Variants in NCOA1 observed in about 807,000 individuals in gnomAD.
NCOA1 encodes nuclear receptor coactivator 1.
In NCOA1, 35 loss-of-function variants were observed where a neutral mutation model predicts 150.9. That is an observed-to-expected ratio of 0.23 (90% CI 0.18 to 0.31). The LOEUF (loss-of-function observed/expected upper bound fraction) is 0.31, where lower values mean the gene tolerates loss of function less well. Among genes scored for constraint, NCOA1 ranks in the 10% least tolerant of loss-of-function variants. NCOA1 has a pLI of 1.00. For missense variants in NCOA1, 1,491 were observed against 1,749.3 expected, an observed-to-expected ratio of 0.85 and a Z score of 2.63; for synonymous variants, 590 against 630.0, an observed-to-expected ratio of 0.94 and a Z score of 0.95.
At chr2:24,750,437 CTT>C (rs1170038533) in intron 19 of NCOA1, among the ~76,000 whole-genome samples, 1 of 152,114 alleles carries the variant, frequency 6.6e-6, no homozygotes. Flanking sequence ...TAAACCCTTA[CTT>C]TTATGGTCAG....
intron 19 of NCOA1, among the ~76,000 whole-genome samples, chr2:24,743,147 G>A (rs986752807): frequency 6.6e-6 from 1 of 152,072 alleles, no homozygotes; most frequent in African/African-American, 2.4e-5. Flanking sequence ...AAAATTAATT[G>A]TCAATTCCTG....
chr2:24,707,914 T>TG, intron 13 of NCOA1, 26 bp downstream of exon 13: 1 of 1,556,246 alleles, frequency 6.4e-7, no homozygotes, highest in South Asian at 1.2e-5. Context: ...CTTCACAGAA[T>TG]GGTCATTCTT....
At chr2:24,552,353 A>ATTTTTT (rs869212842) in intron 1 of NCOA1, among the ~76,000 whole-genome samples, 1 of 38,350 alleles carries the variant, frequency 2.6e-5, no homozygotes, top group Non-Finnish European at 4.3e-5. Flanking sequence ...ATATATATAT[A>ATTTTTT]TTTTTTTTTT....
intron 2 of NCOA1, among the ~76,000 whole-genome samples, chr2:24,582,228 A>C (rs1216311738): frequency 6.6e-6 from 1 of 152,184 alleles, no homozygotes; most frequent in African/African-American, 2.4e-5. Flanking sequence ...CACTTTTTTT[A>C]ATCAGTTTTA....
intron 8 of NCOA1, among the ~76,000 whole-genome samples, chr2:24,685,723 T>G (rs1253096720): frequency 6.6e-6 from 1 of 152,210 alleles, no homozygotes; most frequent in Non-Finnish European, 1.5e-5. Context: ...TTAGCATATT[T>G]CCTGGCTGGT....
chr2:24,579,226 T>G (rs897977009), intron 2 of NCOA1, among the ~76,000 whole-genome samples: 2 of 152,150 alleles, frequency 1.3e-5, no homozygotes, highest in African/African-American at 2.4e-5. Context: ...GAATATGGAT[T>G]CTCTTGGGAG....
intron 4 of NCOA1, among the ~76,000 whole-genome samples, chr2:24,648,170 A>G (rs1670559272): frequency 6.6e-6 from 1 of 152,114 alleles, no homozygotes; most frequent in African/African-American, 2.4e-5. Flanking sequence ...TCAATAAAAT[A>G]TTGCCGAATA....
chr2:24,543,067 T>C (rs1424392369), intron 1 of NCOA1, among the ~76,000 whole-genome samples: 1 of 152,208 alleles, frequency 6.6e-6, no homozygotes, highest in Non-Finnish European at 1.5e-5. Flanking sequence ...AGAATATACC[T>C]GAGACTGGTA....
chr2:24,666,005 TATTTTA>T, intron 6 of NCOA1, 90 bp downstream of exon 6: 1 of 766,588 alleles, frequency 1.3e-6, no homozygotes, highest in Non-Finnish European at 1.7e-6. Flanking sequence ...TTATTATTAT[TATTTTA>T]TTATTATTAT....
chr2:24,537,465 A>G (rs571669084), intron 1 of NCOA1, among the ~76,000 whole-genome samples: 83 of 151,652 alleles, frequency 5.5e-4, no homozygotes, highest in African/African-American at 1.9e-3. Context: ...GTGTGTGTAT[A>G]TATATATAAT....
intron 1 of NCOA1, among the ~76,000 whole-genome samples, chr2:24,511,098 A>C (rs1047897331): frequency 6.6e-6 from 1 of 152,192 alleles, no homozygotes; most frequent in African/African-American, 2.4e-5. Context: ...AAATCATACA[A>C]TATTTCACCT....
At position 24,758,274 on chromosome 2, in the gene NCOA1, A is replaced by G. The variant is rs1664600826; in HGVS notation, c.4065+118A>G. On this transcript the variant is annotated intron_variant, in intron 21 of 22. Transcript: ENST00000348332. ...CCACACTTCTTTATTCTTTCCCACT[A>G]ACTTTTAATAATTACTGGCTCTTAA... The G allele has an allele frequency of 3.1e-6, 3 of 975,792 alleles. No homozygotes were observed. In the East Asian group the frequency reaches 8.5e-5, roughly 28 times the overall value. 60.4% of individuals were successfully genotyped at this position (975,792 alleles called of 1,614,324 possible).
intron 4 of NCOA1, among the ~76,000 whole-genome samples, chr2:24,644,751 A>G (rs562101176): frequency 4.7e-4 from 72 of 152,238 alleles, no homozygotes; most frequent in Non-Finnish European, 8.2e-4. Flanking sequence ...GAAAACTTCC[A>G]GGAGAAAATT....
chr2:24,754,859 A>G (rs1664423085), intron 20 of NCOA1, among the ~76,000 whole-genome samples: 1 of 152,228 alleles, frequency 6.6e-6, no homozygotes, highest in Non-Finnish European at 1.5e-5. Flanking sequence ...CTAAGTCAAC[A>G]TCTTGGATTC....
chr2:24,507,046 G>A (rs1286141966), intron 1 of NCOA1, among the ~76,000 whole-genome samples: 1 of 152,188 alleles, frequency 6.6e-6, no homozygotes, highest in Non-Finnish European at 1.5e-5. Context: ...TGTTGATGTT[G>A]TTACTACTAT....
intron 20 of NCOA1, among the ~76,000 whole-genome samples, chr2:24,753,807 G>T (rs943002015): frequency 5.9e-5 from 9 of 152,164 alleles, no homozygotes; most frequent in African/African-American, 2.2e-4. Context: ...TATTGTCAAT[G>T]CCTACTGCTA....
intron 3 of NCOA1, among the ~76,000 whole-genome samples, chr2:24,618,683 G>C (rs548169177): frequency 6.6e-6 from 1 of 152,054 alleles, no homozygotes; most frequent in East Asian, 1.9e-4. Flanking sequence ...TCTACAAACT[G>C]CCATACCTTG....
intron 20 of NCOA1, 50 bp from the exon 21 acceptor site, chr2:24,757,923 C>T (rs1664579191): frequency 6.3e-7 from 1 of 1,577,474 alleles, no homozygotes; most frequent in African/African-American, 1.4e-5. Context: ...GTCATATATC[C>T]CCTTGTTCAT....
At chr2:24,587,821 G>A in intron 3 of NCOA1, among the ~76,000 whole-genome samples, 1 of 152,134 alleles carries the variant, frequency 6.6e-6, no homozygotes, top group East Asian at 1.9e-4. Context: ...TTGCTTGGCG[G>A]CCCAGGTAAA....
Sources: gnomAD v4.1 joint callset for allele counts (sites outside exome capture counted in the v4.1 genomes callset) on GRCh38, gnomAD v4.1.1 for gene constraint, MANE v1.5 for transcripts, NCBI Gene and HGNC (gene_info 2026-07-23, HGNC 2026-07-21) for gene names.